NARS1: variants seen among roughly 807,000 people sequenced by gnomAD.
NARS1 encodes the protein asparaginyl-tRNA synthetase 1, also known as asparagine--tRNA ligase, cytoplasmic.
NARS1 carries 65 observed loss-of-function variants against 79.2 expected under a neutral mutation model. The ratio of observed to expected loss-of-function variants is 0.82; its 90% CI spans 0.67 to 1.01. The LOEUF (loss-of-function observed/expected upper bound fraction) is 1.01, where lower values mean the gene tolerates loss of function less well. Among genes scored for constraint, NARS1 ranks in the 50% least tolerant of loss-of-function variants. The pLI is 0.00. For missense variants in NARS1, 649 were observed against 673.8 expected, an observed-to-expected ratio of 0.96 and a Z score of 0.41; for synonymous variants, 229 against 238.8, an observed-to-expected ratio of 0.96 and a Z score of 0.38.
At chr18:57,603,271 T>A (rs1282223748) in intron 11 of NARS1, among the ~76,000 whole-genome samples, 1 of 151,652 alleles carries the variant, frequency 6.6e-6, no homozygotes, top group African/African-American at 2.4e-5. Context: ...CAGCTCAGTA[T>A]TTTTCTCAGT....
chr18:57,613,560 G>A (rs763426010), intron 5 of NARS1, 42 bp downstream of exon 5: 4 of 1,497,264 alleles, frequency 2.7e-6, no homozygotes, highest in Admixed American at 3.7e-5. Context: ...TAAGAGCAGG[G>A]ATATTTAAAC....
chr18:57,614,591 A>C (rs1016766090), intron 4 of NARS1, among the ~76,000 whole-genome samples: 1 of 152,238 alleles, frequency 6.6e-6, no homozygotes, highest in Non-Finnish European at 1.5e-5. Flanking sequence ...GGTTCCAGAA[A>C]GAACAGAAGA....
In NARS1 at chr18:57,601,523, G is replaced by C; in HGVS notation, c.*129C>G. 1 of 869,994 alleles carries C rather than the reference G, an allele frequency of 1.1e-6. No homozygotes were observed. The highest frequency in any genetic ancestry group is 1.7e-6 in the Non-Finnish European group (1 of 601,614). The allele number at this position is 869,994 out of a possible 1,614,324, so 53.9% of individuals were successfully genotyped here. Reference sequence around the variant, plus strand: ...TCAGGTGATTTGAGATAGTTTTTATGGTAGTAGAAAGAAAAACAGAAAGAG... The same window carrying C: ...TCAGGTGATTTGAGATAGTTTTTATCGTAGTAGAAAGAAAAACAGAAAGAG... On this transcript the variant is annotated 3_prime_UTR_variant, in exon 14 of 14. Coordinates refer to ENST00000256854, the MANE Select transcript of NARS1 (RefSeq NM_004539.4).
At chr18:57,616,118 G>C in intron 2 of NARS1, 143 bp from the exon 3 acceptor site, 2 of 752,798 alleles carry the variant, frequency 2.7e-6, no homozygotes, top group Non-Finnish European at 4.1e-6. Flanking sequence ...ACAGTGACTG[G>C]TTGAACATTT....
At chr18:57,615,071 C>T (rs1185865364) in intron 4 of NARS1, among the ~76,000 whole-genome samples, 1 of 151,976 alleles carries the variant, frequency 6.6e-6, no homozygotes, top group Admixed American at 6.6e-5. Context: ...GTCCCCCCTA[C>T]TTGGGAGGAT....
chr18:57,611,971 G>T (rs1002757905), intron 5 of NARS1, among the ~76,000 whole-genome samples: 1 of 151,448 alleles, frequency 6.6e-6, no homozygotes, highest in Non-Finnish European at 1.5e-5. Context: ...TGCCCAGACT[G>T]GTCTCAAGCT....
At chr18:57,616,533 C>G (rs537522430) in intron 2 of NARS1, among the ~76,000 whole-genome samples, 3 of 151,980 alleles carry the variant, frequency 2.0e-5, no homozygotes, top group African/African-American at 4.8e-5. Flanking sequence ...CCAGGAAAAG[C>G]AGACTATAAG....
At chr18:57,617,654 C>T (rs1039523434) in intron 2 of NARS1, among the ~76,000 whole-genome samples, 2 of 150,708 alleles carry the variant, frequency 1.3e-5, no homozygotes, top group Non-Finnish European at 1.5e-5. Context: ...TGGTGGCTCA[C>T]GCCTATAATC....
intron 4 of NARS1, among the ~76,000 whole-genome samples, chr18:57,614,099 G>A (rs1377658084): frequency 6.6e-6 from 1 of 152,148 alleles, no homozygotes; most frequent in African/African-American, 2.4e-5. Context: ...TTTGTTTGGG[G>A]GATGAAGGAG....
chr18:57,612,102 G>T (rs1396000771), intron 5 of NARS1, among the ~76,000 whole-genome samples: 1 of 152,108 alleles, frequency 6.6e-6, no homozygotes, highest in African/African-American at 2.4e-5. Flanking sequence ...AAACATTCAA[G>T]TTCAGACCTC....
chr18:57,606,894 C>CT (rs1473570273), intron 9 of NARS1, 143 bp from the exon 10 acceptor site: 1 of 1,037,094 alleles, frequency 9.6e-7, no homozygotes, highest in Non-Finnish European at 1.4e-6. Flanking sequence ...GTGGACTCCC[C>CT]TCTTCTCCAC....
chr18:57,616,424 GAA>G (rs1241959900), intron 2 of NARS1, among the ~76,000 whole-genome samples: 2 of 73,616 alleles, frequency 2.7e-5, no homozygotes, highest in East Asian at 3.9e-4. Flanking sequence ...TGTCTCAAGA[GAA>G]AAAAAAAAAA....
chr18:57,602,791 C>A (rs1162492454), intron 12 of NARS1, 21 bp downstream of exon 12: 27 of 1,612,524 alleles, frequency 1.7e-5, no homozygotes, highest in Non-Finnish European at 2.1e-5. Flanking sequence ...ATTATTAATA[C>A]TCTTTGAAAC....
intron 7 of NARS1, among the ~76,000 whole-genome samples, chr18:57,608,361 T>C (rs2051578100): frequency 7.7e-6 from 1 of 130,438 alleles, no homozygotes; most frequent in African/African-American, 2.9e-5. Flanking sequence ...CGCTTGAACC[T>C]GGGAGGCAGA....
At chr18:57,613,386 A>G (rs531833836) in intron 5 of NARS1, among the ~76,000 whole-genome samples, 60 of 152,140 alleles carry the variant, frequency 3.9e-4, no homozygotes, top group Non-Finnish European at 7.4e-4. Flanking sequence ...ACAGCTACTC[A>G]GGAGGCTGAG....
chr18:57,603,075 C>T, intron 11 of NARS1, 132 bp from the exon 12 acceptor site: 2 of 697,510 alleles, frequency 2.9e-6, no homozygotes, highest in South Asian at 2.4e-5. Context: ...ACCCTTAACC[C>T]ATACACATTT....
chr18:57,617,286 T>A (rs1384632052), intron 2 of NARS1, among the ~76,000 whole-genome samples: 1 of 151,970 alleles, frequency 6.6e-6, no homozygotes, highest in Non-Finnish European at 1.5e-5. Context: ...AAGGAGGGAA[T>A]CTGAGGCCGG....
At chr18:57,602,309 G>A (rs373147628) in intron 13 of NARS1, 46 bp downstream of exon 13, 58 of 1,584,434 alleles carry the variant, frequency 3.7e-5, no homozygotes, top group African/African-American at 2.0e-4. Flanking sequence ...TATACAGAAC[G>A]ATTACAGTGG....
intron 1 of NARS1, among the ~76,000 whole-genome samples, chr18:57,620,923 T>C (rs370726): frequency 0.96 from 146,459 of 152,296 alleles, 70,698 homozygotes; most frequent in East Asian, 1. Context: ...AAAAATAAAA[T>C]ATGGGCTTTG....
Sources: allele counts gnomAD v4.1 joint callset (sites outside exome capture counted in the v4.1 genomes callset), GRCh38; gene constraint gnomAD v4.1.1; transcripts MANE v1.5; gene names NCBI Gene and HGNC (gene_info 2026-07-23, HGNC 2026-07-21).